Variants in GCNT1 observed in about 807,000 individuals in gnomAD.
GCNT1 encodes the protein beta-1,3-galactosyl-O-glycosyl-glycoprotein beta-1,6-N-acetylglucosaminyltransferase.
In GCNT1, 16 loss-of-function variants were observed where a neutral mutation model predicts 26.2. The observed-to-expected ratio is 0.61, with a 90% confidence interval of 0.41 to 0.93. The LOEUF (loss-of-function observed/expected upper bound fraction) is 0.93, where lower values mean the gene tolerates loss of function less well. Ranked by LOEUF, GCNT1 falls within the 40% of genes least tolerant of loss-of-function variation. The pLI, the probability that GCNT1 is intolerant of heterozygous loss-of-function variation, is 0.00. For missense variants in GCNT1, 477 were observed against 526.7 expected (o/e 0.91, Z 0.92); for synonymous variants, 183 against 190.8 (o/e 0.96, Z 0.34).
chr9:76,492,115 C>T (rs1053304712), intron 2 of GCNT1, among the ~76,000 whole-genome samples: 1 of 152,124 alleles, frequency 6.6e-6, no homozygotes. Flanking sequence ...AAGAGCTATT[C>T]CTGCTCTGTC....
chr9:76,408,123 C>T, the GCNT1 span, among the ~76,000 whole-genome samples: 1 of 152,138 alleles, frequency 6.6e-6, no homozygotes, highest in East Asian at 1.9e-4. Context: ...CCTTTTATTT[C>T]TGTTTCTTTC....
At chr9:76,485,053 C>T (rs1170441739) in intron 2 of GCNT1, among the ~76,000 whole-genome samples, 7 of 152,326 alleles carry the variant, frequency 4.6e-5, no homozygotes, top group African/African-American at 1.7e-4. Context: ...TCCCAAAGTG[C>T]TGGGATTACT....
chr9:76,497,083 C>T (rs1363471098), intron 2 of GCNT1, among the ~76,000 whole-genome samples: 2 of 152,180 alleles, frequency 1.3e-5, no homozygotes, highest in Non-Finnish European at 2.9e-5. Context: ...TAGTTGTCCT[C>T]ACTGGCAAAT....
chr9:76,424,402 G>T (rs368379594), intron 1 of GCNT1, among the ~76,000 whole-genome samples: 1 of 152,142 alleles, frequency 6.6e-6, no homozygotes, highest in Admixed American at 6.5e-5. Flanking sequence ...AACAGGCAAA[G>T]GAACAATATT....
chr9:76,480,501 T>C (rs553218420), intron 2 of GCNT1, among the ~76,000 whole-genome samples: 1 of 152,304 alleles, frequency 6.6e-6, no homozygotes, highest in East Asian at 1.9e-4. Flanking sequence ...TTTACAGTTT[T>C]CCGCTTTGTG....
intron 1 of GCNT1, among the ~76,000 whole-genome samples, chr9:76,442,840 G>T (rs1397778271): frequency 7.4e-6 from 1 of 136,016 alleles, no homozygotes; most frequent in East Asian, 2.0e-4. Flanking sequence ...ATATTATTGA[G>T]CTCCTCCTAC....
At chr9:76,416,876 T>C (rs1327235167), upstream of GCNT1, among the ~76,000 whole-genome samples, 1 of 152,112 alleles carries the variant, frequency 6.6e-6, no homozygotes, top group Non-Finnish European at 1.5e-5. Flanking sequence ...CTGGCCATCA[T>C]GGTGAAACCC....
the GCNT1 span, chr9:76,399,187 C>G: frequency 1.4e-6 from 2 of 1,463,384 alleles, no homozygotes; most frequent in Non-Finnish European, 1.9e-6. Flanking sequence ...CCATCCCATG[C>G]AACAACAAGG....
the GCNT1 span, chr9:76,399,248 C>T: frequency 1.4e-5 from 21 of 1,470,636 alleles, no homozygotes; most frequent in African/African-American, 4.5e-5. Flanking sequence ...GGAAGTTCTG[C>T]GCATGTGTAG....
intron 1 of GCNT1, among the ~76,000 whole-genome samples, chr9:76,443,894 A>AAGAAAGG (rs1823522200): frequency 4.7e-5 from 6 of 127,404 alleles, no homozygotes; most frequent in Middle Eastern, 4.1e-3. Context: ...AGAAAGAAAG[A>AAGAAAGG]AAGAAAGGAA....
At position 76,476,045 on chromosome 9, in the gene GCNT1, G is replaced by A. The variant is rs1824246404; in HGVS notation, c.-290+15868G>A. Among the ~76,000 whole-genome samples the A allele has an allele frequency of 2.0e-5, 3 of 152,150 alleles. 1 individual carries two copies. In the South Asian group the frequency reaches 6.2e-4, roughly 32 times the overall value. The stretch of plus-strand genomic sequence containing the variant: ...GATTTTGAACATGTAGAGGAAATTG[G>A]GGAGACAGTGCTTTTTATTTTTGCT... On this transcript the variant is annotated intron_variant, in intron 2 of 3. Transcript: ENST00000376730.
chr9:76,479,803 T>C (rs969806770), intron 2 of GCNT1, among the ~76,000 whole-genome samples: 1 of 152,206 alleles, frequency 6.6e-6, no homozygotes, highest in African/African-American at 2.4e-5. Flanking sequence ...ATTCTGTAGG[T>C]TGGTTCTTCA....
At chr9:76,457,008 A>G (rs1392535840), upstream of GCNT1, among the ~76,000 whole-genome samples, 1 of 152,192 alleles carries the variant, frequency 6.6e-6, no homozygotes, top group Non-Finnish European at 1.5e-5. Context: ...CTTATGGTAT[A>G]CAGGCAGTAT....
chr9:76,465,244 C>T lies in GCNT1; in HGVS notation c.-290+5067C>T, dbSNP rs576792351. Among the ~76,000 whole-genome samples the T allele has an allele frequency of 3.3e-5, 5 of 151,904 alleles. No homozygotes were observed. In the South Asian group the frequency reaches 8.4e-4, roughly 25 times the overall value. On this transcript the variant is annotated intron_variant, in intron 2 of 3. Coordinates refer to ENST00000376730, the MANE Select transcript of GCNT1 (RefSeq NM_001490.5). ...GTGCAATCTCGGCTCACTGCAACCT[C>T]TGCCCCAAGTAGCTGGAATTAGATG...
chr9:76,447,254 T>C (rs1823592850), intron 1 of GCNT1, among the ~76,000 whole-genome samples: 1 of 151,866 alleles, frequency 6.6e-6, no homozygotes, highest in Admixed American at 6.6e-5. Flanking sequence ...CTTCTTTTTC[T>C]TTTTTGGAGA....
At chr9:76,499,184 G>A (rs1587457364) in intron 2 of GCNT1, among the ~76,000 whole-genome samples, 1 of 152,024 alleles carries the variant, frequency 6.6e-6, no homozygotes, top group Non-Finnish European at 1.5e-5. Context: ...CTGAAGTGCA[G>A]TGGCATGATC....
chr9:76,394,270 G>T, the GCNT1 span: 1 of 1,239,040 alleles, frequency 8.1e-7, no homozygotes, highest in South Asian at 1.5e-5. Flanking sequence ...CGGGGGACAG[G>T]AGCGTGAGCT....
chr9:76,466,188 G>A (rs922781983), intron 2 of GCNT1, among the ~76,000 whole-genome samples: 1 of 152,270 alleles, frequency 6.6e-6, no homozygotes, highest in African/African-American at 2.4e-5. Flanking sequence ...CCTGTTAAGG[G>A]TACTGAGAAG....
intron 2 of GCNT1, among the ~76,000 whole-genome samples, chr9:76,495,361 T>G (rs1267096479): frequency 6.6e-6 from 1 of 152,188 alleles, no homozygotes; most frequent in Non-Finnish European, 1.5e-5. Context: ...CGCAGACCTT[T>G]GCGGTGAGTG....
Sources: gnomAD v4.1 joint callset for allele counts (sites outside exome capture counted in the v4.1 genomes callset) on GRCh38, gnomAD v4.1.1 for gene constraint, MANE v1.5 for transcripts, NCBI Gene and HGNC (gene_info 2026-07-23, HGNC 2026-07-21) for gene names.